SLC39A11: variants seen among roughly 807,000 people sequenced by gnomAD.
SLC39A11 encodes the protein zinc transporter ZIP11.
In SLC39A11, 33 loss-of-function variants were observed where a neutral mutation model predicts 36.1. The observed-to-expected ratio is 0.91, with a 90% CI of 0.69 to 1.22. The LOEUF (loss-of-function observed/expected upper bound fraction) is 1.22. SLC39A11 is among the 50% of genes most tolerant of loss of function. The pLI is 0.00. For synonymous variants in SLC39A11, 166 were observed against 170.3 expected (o/e 0.97, Z 0.20); for missense variants, 432 against 430.3 (o/e 1.00, Z -0.03).
chr17:72,654,984 C>A (rs2070040966), intron 7 of SLC39A11, among the ~76,000 whole-genome samples: 1 of 152,208 alleles, frequency 6.6e-6, no homozygotes, highest in Non-Finnish European at 1.5e-5. Flanking sequence ...CCATCCCTGG[C>A]AAGCCTCGTT....
intron 4 of SLC39A11, among the ~76,000 whole-genome samples, chr17:73,014,170 A>G (rs1374889988): frequency 1.3e-5 from 2 of 152,168 alleles, no homozygotes; most frequent in African/African-American, 2.4e-5. Context: ...CTGGGGCCTC[A>G]GCCTCCTGCA....
At chr17:72,963,495 C>T (rs1360791003) in intron 4 of SLC39A11, among the ~76,000 whole-genome samples, 2 of 151,066 alleles carry the variant, frequency 1.3e-5, no homozygotes, top group African/African-American at 4.9e-5. Flanking sequence ...TCTTAAGGGC[C>T]ATCTCAGATC....
intron 5 of SLC39A11, among the ~76,000 whole-genome samples, chr17:72,851,439 A>T (rs2079317019): frequency 6.6e-6 from 1 of 152,178 alleles, no homozygotes; most frequent in African/African-American, 2.4e-5. Context: ...ACGTGATGGC[A>T]CAGACAGAAT....
At chr17:73,072,029 T>C (rs1295276957) in intron 3 of SLC39A11, among the ~76,000 whole-genome samples, 1 of 152,190 alleles carries the variant, frequency 6.6e-6, no homozygotes, top group African/African-American at 2.4e-5. Flanking sequence ...CTATTAAACA[T>C]CTACCTTTTC....
At chr17:72,993,632 T>C (rs1190599952) in intron 4 of SLC39A11, among the ~76,000 whole-genome samples, 3 of 152,212 alleles carry the variant, frequency 2.0e-5, no homozygotes, top group African/African-American at 7.2e-5. Context: ...CCATGTTCCA[T>C]ACACCAAGTT....
chr17:72,913,572 G>C (rs928767378), intron 5 of SLC39A11, among the ~76,000 whole-genome samples: 1 of 152,132 alleles, frequency 6.6e-6, no homozygotes, highest in South Asian at 2.1e-4. Flanking sequence ...GAAGTAGGGG[G>C]TAGGGGGAGA....
chr17:72,964,331 G>A (rs913085482), intron 4 of SLC39A11, among the ~76,000 whole-genome samples: 23 of 152,210 alleles, frequency 1.5e-4, no homozygotes, highest in African/African-American at 4.6e-4. Flanking sequence ...GATGAGCTGC[G>A]TAGTTTTGTT....
intron 6 of SLC39A11, among the ~76,000 whole-genome samples, chr17:72,822,310 GATATA>G (rs987389283): frequency 2.0e-5 from 3 of 146,960 alleles, no homozygotes; most frequent in Non-Finnish European, 3.0e-5. Context: ...TATATAGAGA[GATATA>G]ATATATATAT....
At position 72,843,142 on chromosome 17, in the gene SLC39A11, G is replaced by A. The variant is rs150505003; in HGVS notation, c.601+6492C>T. On this transcript the variant is annotated intron_variant, in intron 6 of 9. Transcript: ENST00000255559. ...TTTTTATATTTTTAGTAGAGACGGG[G>A]TGTCATCATGTTGGCCAGGATGGTT... Among the ~76,000 whole-genome samples the A allele has an allele frequency of 8.5e-5, 13 of 152,164 alleles. 1 individual carries two copies. In the East Asian group the frequency reaches 2.5e-3, roughly 30 times the overall value.
intron 6 of SLC39A11, among the ~76,000 whole-genome samples, chr17:72,753,235 T>C (rs189142619): frequency 6.6e-6 from 1 of 152,318 alleles, no homozygotes; most frequent in Admixed American, 6.5e-5. Flanking sequence ...GGTGGTCTTT[T>C]AAATCTACAA....
chr17:73,058,709 C>T (rs535679789), intron 3 of SLC39A11, among the ~76,000 whole-genome samples: 5 of 152,106 alleles, frequency 3.3e-5, no homozygotes, highest in Admixed American at 3.3e-4. Flanking sequence ...GCTGACAGAG[C>T]GAAACTCTGT....
chr17:72,760,512 G>A (rs2075539997), intron 6 of SLC39A11, among the ~76,000 whole-genome samples: 1 of 152,114 alleles, frequency 6.6e-6, no homozygotes, highest in Admixed American at 6.5e-5. Context: ...CAATCCCACG[G>A]CCACTGAGCC....
intron 7 of SLC39A11, among the ~76,000 whole-genome samples, chr17:72,688,814 G>A (rs1380391698): frequency 6.6e-6 from 1 of 152,200 alleles, no homozygotes; most frequent in Non-Finnish European, 1.5e-5. Context: ...CCAAGAAGAG[G>A]TGAGAAAGGT....
intron 4 of SLC39A11, among the ~76,000 whole-genome samples, chr17:73,016,873 A>C (rs1241502419): frequency 6.6e-6 from 1 of 152,176 alleles, no homozygotes; most frequent in African/African-American, 2.4e-5. Flanking sequence ...AATTATGCTT[A>C]TTCCTGCCAT....
intron 6 of SLC39A11, among the ~76,000 whole-genome samples, chr17:72,765,223 TG>T (rs1292184618): frequency 6.6e-6 from 1 of 152,206 alleles, no homozygotes; most frequent in Non-Finnish European, 1.5e-5. Context: ...GTGTCTTTTC[TG>T]GTTTTGACAT....
intron 5 of SLC39A11, among the ~76,000 whole-genome samples, chr17:72,915,011 G>T (rs2083253771): frequency 6.6e-6 from 1 of 152,152 alleles, no homozygotes; most frequent in Non-Finnish European, 1.5e-5. Context: ...TTTTCATTGG[G>T]AAAAAATGGA....
intron 7 of SLC39A11, among the ~76,000 whole-genome samples, chr17:72,651,156 G>C (rs538879802): frequency 6.6e-6 from 1 of 151,934 alleles, no homozygotes; most frequent in Non-Finnish European, 1.5e-5. Context: ...TCACCACTTA[G>C]CTCACATGTG....
intron 3 of SLC39A11, among the ~76,000 whole-genome samples, chr17:73,046,866 G>A (rs569235739): frequency 3.3e-5 from 5 of 152,104 alleles, no homozygotes; most frequent in South Asian, 2.1e-4. Flanking sequence ...GCTTGAGCCC[G>A]GGCGGTTGAG....
At chr17:73,035,544 G>C (rs1034555271) in intron 3 of SLC39A11, among the ~76,000 whole-genome samples, 1 of 152,086 alleles carries the variant, frequency 6.6e-6, no homozygotes, top group African/African-American at 2.4e-5. Context: ...CTGCACATGG[G>C]ATTAAATTAA....
Sources: gnomAD v4.1 joint callset for allele counts (sites outside exome capture counted in the v4.1 genomes callset) on GRCh38, gnomAD v4.1.1 for gene constraint, MANE v1.5 for transcripts, NCBI Gene and HGNC (gene_info 2026-07-23, HGNC 2026-07-21) for gene names.